Variants in EOGT observed in about 807,000 individuals in gnomAD.
EOGT encodes the protein EGF domain specific O-linked N-acetylglucosamine transferase.
A neutral mutation model predicts 70.5 loss-of-function variants in EOGT; 55 were observed. That is an observed-to-expected ratio of 0.78 (90% confidence interval 0.63 to 0.98). The LOEUF is 0.98. EOGT is among the 50% of genes least tolerant of loss of function. The pLI is 0.00. For missense variants in EOGT, 703 were observed against 641.9 expected, an observed-to-expected ratio of 1.10 and a Z score of -1.03; for synonymous variants, 246 against 217.1, an observed-to-expected ratio of 1.13 and a Z score of -1.17.
At position 69,001,776 on chromosome 3, in the gene EOGT, T is replaced by A. The variant is rs571370637; in HGVS notation, c.621-62A>T. On this transcript the variant is annotated intron_variant, in intron 8 of 17. Transcript: ENST00000383701. ...TCTCCCAAACTTCCTATTAGAACAC[T>A]GTAACTTAGGATCTGTTCATTAGGC... is the stretch of plus-strand genomic sequence containing the variant. 21 of 1,145,250 alleles carry A rather than the reference T, an allele frequency of 1.8e-5. No homozygotes were observed. The African/African-American group carries it at 3.2e-4, about 17-fold the overall frequency. The allele number at this position is 1,145,250 out of a possible 1,614,324, so 70.9% of individuals were successfully genotyped here. A position where few individuals can be genotyped will look rare whatever the true frequency, so the allele number is the denominator to read the frequency against.
At chr3:68,983,511 C>G (rs2090712315) in intron 14 of EOGT, among the ~76,000 whole-genome samples, 1 of 152,234 alleles carries the variant, frequency 6.6e-6, no homozygotes, top group South Asian at 2.1e-4. Flanking sequence ...GGGGGATCAC[C>G]ACCATTCAGA....
intron 8 of EOGT, among the ~76,000 whole-genome samples, chr3:69,003,354 G>A (rs1035122327): frequency 6.6e-6 from 1 of 152,172 alleles, no homozygotes; most frequent in Non-Finnish European, 1.5e-5. Context: ...ATCTCATCTT[G>A]AATTGTAGCT....
At chr3:68,994,327 T>C (rs1275289259) in intron 10 of EOGT, among the ~76,000 whole-genome samples, 1 of 151,584 alleles carries the variant, frequency 6.6e-6, no homozygotes, top group Admixed American at 6.6e-5. Flanking sequence ...CTGGGTGACA[T>C]ATTTGCACTT....
intron 15 of EOGT, among the ~76,000 whole-genome samples, chr3:68,981,867 T>C (rs13433831): frequency 5.0e-5 from 7 of 141,282 alleles, no homozygotes; most frequent in African/African-American, 2.1e-4. Context: ...TGTTATCAAA[T>C]ATTTGATAAA....
At chr3:69,001,871 T>C (rs572420605) in intron 8 of EOGT, among the ~76,000 whole-genome samples, 157 bp from the exon 9 acceptor site, 2 of 152,288 alleles carry the variant, frequency 1.3e-5, no homozygotes, top group African/African-American at 4.8e-5. Flanking sequence ...CTGACTTTTA[T>C]ATAGGTTGAT....
At chr3:68,993,076 T>C (rs2091042395) in intron 10 of EOGT, among the ~76,000 whole-genome samples, 1 of 151,184 alleles carries the variant, frequency 6.6e-6, no homozygotes, top group Non-Finnish European at 1.5e-5. Flanking sequence ...TGAAGGTTTC[T>C]GACATGCCTT....
intron 16 of EOGT, among the ~76,000 whole-genome samples, chr3:68,979,143 C>A (rs114831321): frequency 9.8e-4 from 149 of 152,192 alleles, no homozygotes; most frequent in African/African-American, 3.5e-3. Context: ...GAGCACAGTG[C>A]CAACAGCAGA....
chr3:69,007,705 AT>A lies in EOGT; in HGVS notation c.420+7del. 1 of 1,553,088 alleles carries A rather than the reference AT, an allele frequency of 6.4e-7. No individual in the cohort carries two copies. Among genetic ancestry groups the A allele is most frequent in the Non-Finnish European group, 8.8e-7 (1 of 1,136,606 alleles). ...ACAAGTTTATTTAGTAAGGAGCAAA[AT>A]ACCCACCGTTTCCTTAGGCTGACAG... On this transcript the variant is annotated splice_region_variant and intron_variant, in intron 6 of 17. Coordinates refer to ENST00000383701, the MANE Select transcript of EOGT (RefSeq NM_001278689.2).
At chr3:68,986,574 T>C (rs1052205524) in intron 14 of EOGT, among the ~76,000 whole-genome samples, 1 of 152,184 alleles carries the variant, frequency 6.6e-6, no homozygotes, top group Admixed American at 6.5e-5. Context: ...TAGAATACAT[T>C]TGACTCTGCC....
chr3:69,006,895 C>G (rs1439304089), intron 6 of EOGT, among the ~76,000 whole-genome samples: 2 of 152,216 alleles, frequency 1.3e-5, no homozygotes, highest in Non-Finnish European at 2.9e-5. Context: ...TTGCTTAACT[C>G]CTCTGAGGAC....
chr3:69,004,586 T>A (rs2091390870), intron 7 of EOGT, 104 bp from the exon 8 acceptor site: 3 of 710,788 alleles, frequency 4.2e-6, no homozygotes, highest in Admixed American at 2.6e-5. Context: ...CTGAATTTTT[T>A]AAAAGAATTT....
intron 10 of EOGT, among the ~76,000 whole-genome samples, chr3:68,996,480 A>G (rs1258601664): frequency 6.6e-6 from 1 of 152,214 alleles, no homozygotes; most frequent in Non-Finnish European, 1.5e-5. Context: ...CTGCATCTGG[A>G]CTGGGAAAGC....
At chr3:68,997,836 C>T (rs1559604271) in intron 10 of EOGT, among the ~76,000 whole-genome samples, 175 bp downstream of exon 10, 1 of 152,206 alleles carries the variant, frequency 6.6e-6, no homozygotes, top group Non-Finnish European at 1.5e-5. Flanking sequence ...TCTGCCTATA[C>T]GTATATGCAC....
At chr3:68,989,084 A>G in intron 10 of EOGT, 67 bp from the exon 11 acceptor site, 5 of 869,496 alleles carry the variant, frequency 5.8e-6, no homozygotes, top group Non-Finnish European at 8.7e-6. Flanking sequence ...TCAAAGATGC[A>G]ACAAAATACC....
chr3:68,981,704 T>C (rs1026501115), intron 15 of EOGT, among the ~76,000 whole-genome samples: 1 of 152,208 alleles, frequency 6.6e-6, no homozygotes, highest in Non-Finnish European at 1.5e-5. Flanking sequence ...AAATATTTGG[T>C]AAGTTTTTTT....
intron 11 of EOGT, 36 bp downstream of exon 11, chr3:68,988,889 A>T (rs1439327528): frequency 8.3e-7 from 1 of 1,197,844 alleles, no homozygotes; most frequent in Admixed American, 2.2e-5. Flanking sequence ...TGCACTCAAG[A>T]AATATTCACA....
chr3:69,006,723 C>A (rs2091447278), intron 6 of EOGT, among the ~76,000 whole-genome samples: 1 of 152,192 alleles, frequency 6.6e-6, no homozygotes, highest in Non-Finnish European at 1.5e-5. Context: ...TAGTTGAGAG[C>A]CTGCTCTTGT....
At chr3:68,989,486 A>T (rs1179505922) in intron 10 of EOGT, among the ~76,000 whole-genome samples, 1 of 152,068 alleles carries the variant, frequency 6.6e-6, no homozygotes, top group Non-Finnish European at 1.5e-5. Context: ...GGTGGCTCAC[A>T]GCTGTAATCC....
chr3:68,992,611 T>C (rs1442775171), intron 10 of EOGT, among the ~76,000 whole-genome samples: 1 of 152,144 alleles, frequency 6.6e-6, no homozygotes, highest in African/African-American at 2.4e-5. Flanking sequence ...GGATCTACCA[T>C]TCTGGGGTCT....
Sources: gnomAD v4.1 joint callset for allele counts (sites outside exome capture counted in the v4.1 genomes callset) on GRCh38, gnomAD v4.1.1 for gene constraint, MANE v1.5 for transcripts, NCBI Gene and HGNC (gene_info 2026-07-23, HGNC 2026-07-21) for gene names.